KCNJ6: variants seen among roughly 807,000 people sequenced by gnomAD.
KCNJ6 encodes G protein-activated inward rectifier potassium channel 2.
A neutral mutation model predicts 34.2 loss-of-function variants in KCNJ6; 9 were observed. The ratio of observed to expected loss-of-function variants is 0.26; its 90% CI spans 0.16 to 0.46. The LOEUF (loss-of-function observed/expected upper bound fraction) is 0.46. Among genes scored for constraint, KCNJ6 ranks in the 20% least tolerant of loss-of-function variants. KCNJ6 has a pLI of 1.00. For synonymous variants in KCNJ6, 196 were observed against 207.1 expected (o/e 0.95, Z 0.46); for missense variants, 236 against 531.3 (o/e 0.44, Z 5.46).
intron 2 of KCNJ6, among the ~76,000 whole-genome samples, chr21:37,795,099 A>G (rs2055234910): frequency 6.6e-6 from 1 of 152,200 alleles, no homozygotes; most frequent in South Asian, 2.1e-4. Flanking sequence ...AGTTTAATGT[A>G]TATTCATAAT....
intron 3 of KCNJ6, among the ~76,000 whole-genome samples, chr21:37,686,713 C>T (rs1286526830): frequency 6.6e-6 from 1 of 152,004 alleles, no homozygotes; most frequent in Non-Finnish European, 1.5e-5. Context: ...GTGATCTGCC[C>T]ACCCTGGCCT....
intron 1 of KCNJ6, among the ~76,000 whole-genome samples, chr21:37,872,358 T>C (rs1257359990): frequency 2.0e-5 from 3 of 152,036 alleles, no homozygotes; most frequent in Non-Finnish European, 4.4e-5. Flanking sequence ...CCTAAGCAAA[T>C]CAGTTGCCTG....
In KCNJ6 at chr21:37,846,973, CAAGT is replaced by C. The variant is rs1054539536; in HGVS notation, c.-27-6268_-27-6265del. Among the ~76,000 whole-genome samples, 7 of 152,122 alleles carry C rather than the reference CAAGT, an allele frequency of 4.6e-5. 1 individual carries two copies. The highest frequency in any genetic ancestry group is 1.7e-4 in the African/African-American group (7 of 41,420). ...AATGCCACATCCTCAGATAGCCAAG[CAAGT>C]GAGTGTTCTCTTAGTACAGCATCAT... is the stretch of plus-strand genomic sequence containing the variant. On this transcript the variant is annotated intron_variant, in intron 1 of 3. Coordinates refer to ENST00000609713, the MANE Select transcript of KCNJ6 (RefSeq NM_002240.5).
chr21:37,666,349 A>G (rs140365684), intron 3 of KCNJ6, among the ~76,000 whole-genome samples: 1 of 152,182 alleles, frequency 6.6e-6, no homozygotes, highest in African/African-American at 2.4e-5. Context: ...GGACTGGGTG[A>G]CTTGGCTCAG....
intron 1 of KCNJ6, among the ~76,000 whole-genome samples, chr21:37,866,800 T>C (rs2055624993): frequency 6.6e-6 from 1 of 152,160 alleles, no homozygotes; most frequent in South Asian, 2.1e-4. Flanking sequence ...CAACGGCTGT[T>C]GGAAAGAGAA....
chr21:37,847,483 C>A (rs1318493172), intron 1 of KCNJ6, among the ~76,000 whole-genome samples: 1 of 152,198 alleles, frequency 6.6e-6, no homozygotes, highest in Admixed American at 6.5e-5. Flanking sequence ...CTGAAGGCAG[C>A]AGTGAGAATC....
intron 3 of KCNJ6, among the ~76,000 whole-genome samples, chr21:37,636,275 A>T (rs1046284191): frequency 3.9e-5 from 6 of 152,184 alleles, no homozygotes; most frequent in African/African-American, 7.2e-5. Flanking sequence ...CACACCCATA[A>T]ATAATGTCTT....
intron 1 of KCNJ6, among the ~76,000 whole-genome samples, chr21:37,880,927 T>C (rs930429787): frequency 3.9e-5 from 6 of 152,120 alleles, no homozygotes; most frequent in Non-Finnish European, 8.8e-5. Flanking sequence ...TAAGAGCCCA[T>C]GGATAGAGAT....
intron 1 of KCNJ6, among the ~76,000 whole-genome samples, chr21:37,873,754 C>A (rs751349594): frequency 6.6e-6 from 1 of 152,188 alleles, no homozygotes; most frequent in African/African-American, 2.4e-5. Flanking sequence ...GAAGACACAG[C>A]TTCCACCTTC....
chr21:37,661,532 C>T (rs1185403647), intron 3 of KCNJ6, among the ~76,000 whole-genome samples: 1 of 150,796 alleles, frequency 6.6e-6, no homozygotes. Context: ...CTGAATCCTG[C>T]CTTAGACTAC....
chr21:37,875,502 A>T (rs758415170), intron 1 of KCNJ6, among the ~76,000 whole-genome samples: 1 of 152,196 alleles, frequency 6.6e-6, no homozygotes, highest in Non-Finnish European at 1.5e-5. Flanking sequence ...GCCAGGTCAC[A>T]GGAGGCTCCT....
rs761347573 is a variant in KCNJ6, at chr21:37,633,737, T to C, written c.947-8253A>G. On this transcript the variant is annotated intron_variant, in intron 3 of 3. Transcript: ENST00000609713. ...CAACAAAAAAAACCCTAGAAATCAATCTAATAATAGAAATATAAAACCTTT... is the reference window on the plus strand; with the variant it reads ...CAACAAAAAAAACCCTAGAAATCAACCTAATAATAGAAATATAAAACCTTT... Among the ~76,000 whole-genome samples, 5 of 152,048 alleles carry C rather than the reference T, an allele frequency of 3.3e-5. No individual in the cohort carries two copies. In the East Asian group the frequency reaches 5.8e-4, roughly 18 times the overall value.
intron 2 of KCNJ6, among the ~76,000 whole-genome samples, chr21:37,752,622 T>A (rs529917496): frequency 1.3e-5 from 2 of 152,076 alleles, no homozygotes; most frequent in African/African-American, 4.8e-5. Context: ...AGGGTCACCA[T>A]AATGTGACCG....
At chr21:37,654,578 G>T (rs907311539) in intron 3 of KCNJ6, among the ~76,000 whole-genome samples, 5 of 152,072 alleles carry the variant, frequency 3.3e-5, no homozygotes, top group African/African-American at 1.2e-4. Context: ...AGACCCCTCT[G>T]GCCACCATGC....
intron 3 of KCNJ6, among the ~76,000 whole-genome samples, chr21:37,657,663 C>T (rs761481068): frequency 1.3e-5 from 2 of 152,206 alleles, no homozygotes; most frequent in Non-Finnish European, 2.9e-5. Flanking sequence ...CAGAGGGGTG[C>T]CCCTCACTTT....
chr21:37,624,880 T>C lies in KCNJ6; in HGVS notation c.*279A>G. On this transcript the variant is annotated 3_prime_UTR_variant, in exon 4 of 4. Coordinates refer to ENST00000609713, the MANE Select transcript of KCNJ6 (RefSeq NM_002240.5). ...CACATGCAGGTAAGTAACTGAAATCTCCAGGAGTTGGATGTGTAGTATTTT... is the reference window on the plus strand; with the variant it reads ...CACATGCAGGTAAGTAACTGAAATCCCCAGGAGTTGGATGTGTAGTATTTT... 2 of 468,408 alleles carry C rather than the reference T, an allele frequency of 4.3e-6. No individual in the cohort carries two copies. The highest frequency in any genetic ancestry group is 3.8e-6 in the Non-Finnish European group (1 of 262,882). 29.0% of individuals were successfully genotyped at this position (468,408 alleles called of 1,614,324 possible). A position where few individuals can be genotyped will look rare whatever the true frequency, so the allele number is the denominator to read the frequency against.
intron 2 of KCNJ6, among the ~76,000 whole-genome samples, chr21:37,717,936 C>T (rs955036974): frequency 6.6e-6 from 1 of 152,210 alleles, no homozygotes; most frequent in Non-Finnish European, 1.5e-5. Context: ...CTGCAAACCC[C>T]CAGCTCCAGG....
At chr21:37,839,954 A>T (rs879517723) in intron 2 of KCNJ6, among the ~76,000 whole-genome samples, 3 of 152,098 alleles carry the variant, frequency 2.0e-5, no homozygotes, top group Non-Finnish European at 4.4e-5. Context: ...ATGCACCACC[A>T]TGCTCAGCTT....
intron 3 of KCNJ6, among the ~76,000 whole-genome samples, chr21:37,663,877 A>G (rs938041917): frequency 6.6e-6 from 1 of 152,260 alleles, no homozygotes; most frequent in Non-Finnish European, 1.5e-5. Context: ...GCTTAGCCTC[A>G]TGAACACATG....
Sources: allele counts gnomAD v4.1 joint callset (sites outside exome capture counted in the v4.1 genomes callset), GRCh38; gene constraint gnomAD v4.1.1; transcripts MANE v1.5; gene names NCBI Gene and HGNC (gene_info 2026-07-23, HGNC 2026-07-21).